The following EPHA6 variants were observed in gnomAD, a reference collection of about 807,000 sequenced individuals.
EPHA6 encodes the protein EPH receptor A6.
A neutral mutation model predicts 112.0 loss-of-function variants in EPHA6; 50 were observed. The ratio of observed to expected loss-of-function variants is 0.45; its 90% CI spans 0.36 to 0.56. The LOEUF (loss-of-function observed/expected upper bound fraction) is 0.56, where lower values mean the gene tolerates loss of function less well. Among genes scored for constraint, EPHA6 ranks in the 20% least tolerant of loss-of-function variants. EPHA6 has a pLI of 0.00. For missense variants in EPHA6, 1,280 were observed against 1,417.4 expected (o/e 0.90, Z 1.56); for synonymous variants, 529 against 490.7 (o/e 1.08, Z -1.03).
chr3:97,542,711 A>G (rs2092880018), intron 11 of EPHA6, among the ~76,000 whole-genome samples: 1 of 152,246 alleles, frequency 6.6e-6, no homozygotes, highest in African/African-American at 2.4e-5. Context: ...AGTCCCACCA[A>G]CAGTGAAAAA....
chr3:97,434,495 G>A (rs968961662), intron 6 of EPHA6, among the ~76,000 whole-genome samples: 1 of 152,104 alleles, frequency 6.6e-6, no homozygotes, highest in Non-Finnish European at 1.5e-5. Flanking sequence ...CCAGATAATT[G>A]TAGTGTTTAT....
intron 6 of EPHA6, among the ~76,000 whole-genome samples, chr3:97,439,911 T>C (rs1161942198): frequency 6.6e-6 from 1 of 152,158 alleles, no homozygotes; most frequent in Non-Finnish European, 1.5e-5. Flanking sequence ...TTCCCAGTGA[T>C]ATGTGACCAG....
At chr3:97,658,690 T>G (rs2094151340) in intron 14 of EPHA6, among the ~76,000 whole-genome samples, 1 of 151,948 alleles carries the variant, frequency 6.6e-6, no homozygotes, top group Non-Finnish European at 1.5e-5. Context: ...TCCCCCTTGT[T>G]CGAAGGTGAA....
chr3:97,351,459 T>C (rs2083811924), intron 5 of EPHA6, among the ~76,000 whole-genome samples: 1 of 152,266 alleles, frequency 6.6e-6, no homozygotes, highest in South Asian at 2.1e-4. Context: ...CCCAGAAGGA[T>C]ATATTTCAAC....
intron 5 of EPHA6, among the ~76,000 whole-genome samples, chr3:97,264,490 C>T (rs575724908): frequency 2.0e-5 from 3 of 152,304 alleles, no homozygotes; most frequent in African/African-American, 7.2e-5. Context: ...TGGAGACATC[C>T]GAAACTGCAG....
chr3:97,185,266 G>A (rs539923462), intron 3 of EPHA6, among the ~76,000 whole-genome samples: 1 of 152,254 alleles, frequency 6.6e-6, no homozygotes, highest in South Asian at 2.1e-4. Context: ...ACTACCATCA[G>A]AGTGAACAGG....
intron 5 of EPHA6, among the ~76,000 whole-genome samples, chr3:97,269,157 C>G (rs770756230): frequency 6.6e-6 from 1 of 152,162 alleles, no homozygotes; most frequent in Non-Finnish European, 1.5e-5. Context: ...GATACACATA[C>G]GCCAATTGTC....
chr3:97,207,881 C>T (rs1215996447), intron 3 of EPHA6, among the ~76,000 whole-genome samples: 1 of 152,162 alleles, frequency 6.6e-6, no homozygotes, highest in Non-Finnish European at 1.5e-5. Context: ...CACCAGCTTA[C>T]AGATGATCTG....
chr3:97,492,547 CAAAAAAAAAAAAAAAAAAAAAAAAAAAA>C lies in EPHA6; in HGVS notation c.2200+8508_2200+8535del, dbSNP rs780244403. On this transcript the variant is annotated intron_variant, in intron 10 of 17. Transcript: ENST00000389672. ...ACAGAGCGAGAGTGAGACTCAGTCT[CAAAAAAAAAAAAAAAAAAAAAAAAAAAA>C]AAAAAAAAAAAAAAAAAAACCGTGG... Among the ~76,000 whole-genome samples the C allele has an allele frequency of 3.6e-3, 103 of 28,930 alleles. 1 individual carries two copies. The highest frequency in any genetic ancestry group is 9.7e-3 in the East Asian group (4 of 412). 19.0% of individuals were successfully genotyped at this position (28,930 alleles called of 152,430 possible).
At chr3:97,082,962 A>G (rs1300770317) in intron 3 of EPHA6, among the ~76,000 whole-genome samples, 2 of 151,900 alleles carry the variant, frequency 1.3e-5, no homozygotes, top group African/African-American at 2.4e-5. Flanking sequence ...AGATATTTCA[A>G]TTAGAAAATG....
intron 5 of EPHA6, among the ~76,000 whole-genome samples, chr3:97,259,493 T>G (rs2079427004): frequency 6.6e-6 from 1 of 152,220 alleles, no homozygotes; most frequent in Non-Finnish European, 1.5e-5. Flanking sequence ...AAATAGAATT[T>G]TGCCTTTCAA....
chr3:97,386,751 CA>C (rs2086093255), intron 5 of EPHA6, among the ~76,000 whole-genome samples: 1 of 152,172 alleles, frequency 6.6e-6, no homozygotes, highest in African/African-American at 2.4e-5. Context: ...GGCTCCATCC[CA>C]ACATTTGCCC....
intron 5 of EPHA6, among the ~76,000 whole-genome samples, chr3:97,313,402 T>C (rs914064571): frequency 1.3e-5 from 2 of 151,620 alleles, no homozygotes. Flanking sequence ...TTTGGATATA[T>C]GCTCAGAAGT....
At chr3:97,093,577 G>A (rs1013586583) in intron 3 of EPHA6, among the ~76,000 whole-genome samples, 2 of 151,804 alleles carry the variant, frequency 1.3e-5, no homozygotes, top group Non-Finnish European at 2.9e-5. Flanking sequence ...AAATAAACGG[G>A]ATAATACGCC....
intron 3 of EPHA6, among the ~76,000 whole-genome samples, chr3:97,179,510 G>A (rs1022882695): frequency 2.6e-5 from 4 of 151,932 alleles, no homozygotes; most frequent in Non-Finnish European, 4.4e-5. Flanking sequence ...CAGTCTTTTT[G>A]GGAAGGCTTT....
At chr3:97,218,144 G>T (rs890496464) in intron 3 of EPHA6, among the ~76,000 whole-genome samples, 7 of 152,020 alleles carry the variant, frequency 4.6e-5, no homozygotes, top group African/African-American at 1.7e-4. Flanking sequence ...GGTGGTGCAT[G>T]CCTGTAGTCC....
chr3:97,325,854 T>A (rs2082395337), intron 5 of EPHA6, among the ~76,000 whole-genome samples: 1 of 152,120 alleles, frequency 6.6e-6, no homozygotes, highest in South Asian at 2.1e-4. Flanking sequence ...TATTTCATTA[T>A]TTTATTATGT....
chr3:97,678,163 C>G (rs558666651), intron 14 of EPHA6, among the ~76,000 whole-genome samples: 6 of 152,094 alleles, frequency 3.9e-5, no homozygotes, highest in Admixed American at 6.6e-5. Context: ...AAATCTGGTG[C>G]CTTGAGGTTC....
intron 3 of EPHA6, among the ~76,000 whole-genome samples, chr3:97,060,329 C>G (rs1196681468): frequency 6.6e-6 from 1 of 152,132 alleles, no homozygotes; most frequent in Non-Finnish European, 1.5e-5. Context: ...CCTTATTATA[C>G]TCTGAGCTAT....
Sources: allele counts gnomAD v4.1 joint callset (sites outside exome capture counted in the v4.1 genomes callset), GRCh38; gene constraint gnomAD v4.1.1; transcripts MANE v1.5; gene names NCBI Gene and HGNC (gene_info 2026-07-23, HGNC 2026-07-21).